Variants in RBM22 observed in about 807,000 individuals in gnomAD.
RBM22 encodes the protein pre-mRNA-splicing factor RBM22.
In RBM22, 1 loss-of-function variant was observed where a neutral mutation model predicts 50.1. The observed-to-expected ratio is 0.02, with a 90% CI of 0.01 to 0.09. The LOEUF is 0.09. Among genes scored for constraint, RBM22 ranks in the 10% least tolerant of loss-of-function variants. The pLI is 1.00. For missense variants in RBM22, 264 were observed against 529.3 expected, an observed-to-expected ratio of 0.50 and a Z score of 4.92; for synonymous variants, 152 against 179.0, an observed-to-expected ratio of 0.85 and a Z score of 1.20.
chr5:150,699,877 T>C (rs1233006577), intron 2 of RBM22, among the ~76,000 whole-genome samples: 1 of 152,250 alleles, frequency 6.6e-6, no homozygotes, highest in Non-Finnish European at 1.5e-5. Flanking sequence ...TAAACAGAAC[T>C]ATTCAAACAT....
At chr5:150,692,858 A>T in intron 10 of RBM22, 37 bp downstream of exon 10, 1 of 1,520,746 alleles carries the variant, frequency 6.6e-7, no homozygotes, top group Non-Finnish European at 8.9e-7. Context: ...AACTTTCACA[A>T]GGATTTCTCT....
In RBM22 at chr5:150,701,022, T is replaced by C. The variant is rs146006650; in HGVS notation, c.-37A>G. ...CCGGAGGTAGCTGTAGCTTCCGAAT[T>C]GGGAGAGAGGACCGCCACAATCCCG... On this transcript the variant is annotated 5_prime_UTR_variant, in exon 1 of 11. Coordinates refer to ENST00000199814, the MANE Select transcript of RBM22 (RefSeq NM_018047.3). 5,732 of 1,611,388 alleles carry C rather than the reference T, an allele frequency of 3.6e-3. 19 individuals are homozygous for C. The highest frequency in any genetic ancestry group is 4.0e-3 in the Non-Finnish European group (4,725 of 1,178,046).
At chr5:150,700,389 A>T in intron 2 of RBM22, 55 bp downstream of exon 2, 1 of 1,519,008 alleles carries the variant, frequency 6.6e-7, no homozygotes. Flanking sequence ...CACAGTGTGC[A>T]AGTACCACAA....
chr5:150,700,790 C>G, intron 1 of RBM22, 142 bp downstream of exon 1: 1 of 1,572,808 alleles, frequency 6.4e-7, no homozygotes, highest in East Asian at 2.3e-5. Context: ...TCGCCCTCCG[C>G]CCTCCTGCTC....
intron 8 of RBM22, 58 bp from the exon 9 acceptor site, chr5:150,693,365 C>G (rs751260814): frequency 5.2e-6 from 7 of 1,345,504 alleles, no homozygotes; most frequent in Non-Finnish European, 7.4e-6. Context: ...CACACCTCTG[C>G]TTCTTACATT....
In RBM22 at chr5:150,691,824, G is replaced by A. The variant is rs757811819; in HGVS notation, c.1190C>T (p.Pro397Leu). ...CTGAGAAGGATAGTGGATTGGTCCT[G>A]GAGCCCGCATGAAAGGAGGGGGTGG... is the stretch of plus-strand genomic sequence containing the variant. ...MGPPPPFMRAPGPIHYPSQDP... is the reference protein window; with the variant it reads ...MGPPPPFMRALGPIHYPSQDP... Residue 397 changes from proline (P) to leucine (L), a missense_variant, in exon 11 of 11, where the codon CCA (proline) becomes CTA (leucine). This residue lies in a region of RBM22 where 106 missense variants were observed against 137.1 expected (regional missense o/e 0.77). Coordinates refer to ENST00000199814, the MANE Select transcript of RBM22 (RefSeq NM_018047.3). 1.2e-6 allele frequency: 2 copies of A among 1,601,614 alleles called. No individual in the cohort carries two copies. Among genetic ancestry groups the A allele is most frequent in the Non-Finnish European group, 8.5e-7 (1 of 1,174,070 alleles).
intron 1 of RBM22, chr5:150,700,709 G>T (rs1337838955): frequency 1.3e-6 from 2 of 1,532,154 alleles, no homozygotes; most frequent in Non-Finnish European, 1.7e-6. Flanking sequence ...TAGGCTGGAG[G>T]GGGCAGGGAT....
Position 150,695,494 on chromosome 5 carries a change from A to C in RBM22, c.746+12T>G. 1 of 1,600,602 alleles carries C rather than the reference A, an allele frequency of 6.2e-7. No homozygotes were observed. The highest frequency in any genetic ancestry group is 8.5e-7 in the Non-Finnish European group (1 of 1,169,710). ...AAAGGCAAAAATAACTCTCTAACTT[A>C]TACCCACAAACCTTAAATCTGTCTC... On this transcript the variant is annotated intron_variant, in intron 7 of 10. Transcript: ENST00000199814.
rs573625382 is a variant in RBM22 at position 150,692,010 on chromosome 5, C to T, written c.1133-129G>A. 10 of 1,067,974 alleles carry T rather than the reference C, an allele frequency of 9.4e-6. No homozygotes were observed. In the African/African-American group the frequency reaches 1.1e-4, roughly 12 times the overall value. 66.2% of individuals were successfully genotyped at this position (1,067,974 alleles called of 1,614,324 possible). ...GTTGACACGGGGCTTAAGCAAATGT[C>T]AGTTCACAAACTTACTTCCACTTGT... On this transcript the variant is annotated intron_variant, in intron 10 of 10. Transcript: ENST00000199814.
chr5:150,696,699 T>C lies in RBM22; in HGVS notation c.379A>G (p.Asn127Asp), dbSNP rs1289918987. The change falls in exon 6 of 11, where the codon AAC becomes GAC. Residue 127 changes from asparagine (N) to aspartate (D), a missense_variant. This residue lies in a region of RBM22 where 44 missense variants were observed against 57.9 expected (regional missense o/e 0.76). Coordinates refer to ENST00000199814, the MANE Select transcript of RBM22 (RefSeq NM_018047.3). The surrounding 1 kb of genome is among the most constrained non-coding windows in gnomAD (Gnocchi z 4.3). Reference protein sequence around the residue: ...YTQNMEREISNSDGTRPVGML... With the variant: ...YTQNMEREISDSDGTRPVGML... ...CCAACTGGCCGTGTTCCATCAGAGT[T>C]AGAAATCTAAGTGGGGATGACAAAT... 1.9e-6 allele frequency: 3 copies of C among 1,614,080 alleles called. No homozygotes were observed. The highest frequency in any genetic ancestry group is 2.2e-5 in the East Asian group (1 of 44,904).
chr5:150,697,369 T>C (rs1759289222), intron 4 of RBM22, among the ~76,000 whole-genome samples: 7 of 152,150 alleles, frequency 4.6e-5, no homozygotes, highest in Admixed American at 4.6e-4. Flanking sequence ...CAGTGAGCCA[T>C]GACCATGCCA....
intron 8 of RBM22, 51 bp from the exon 9 acceptor site, chr5:150,693,358 A>G (rs973376207): frequency 5.0e-6 from 7 of 1,404,464 alleles, no homozygotes; most frequent in Non-Finnish European, 6.0e-6. Flanking sequence ...CTTATCTCAC[A>G]CCTCTGCTTC....
chr5:150,696,909 G>A lies in RBM22; in HGVS notation c.272-18C>T. The A allele has an allele frequency of 1.9e-6, 3 of 1,607,918 alleles. No individual in the cohort carries two copies. The highest frequency in any genetic ancestry group is 2.2e-5 in the South Asian group (2 of 90,892). On this transcript the variant is annotated intron_variant, in intron 4 of 10. Coordinates refer to ENST00000199814, the MANE Select transcript of RBM22 (RefSeq NM_018047.3). This position sits in a 1 kb window ranked among gnomAD's most constrained non-coding sequence, Gnocchi z 4.3. ...GGGCAGGCCTGGTACAAAAAAAGAG[G>A]AAAAAGACCTCAGATGTATTTTAAA...
At position 150,694,186 on chromosome 5, in the gene RBM22, C is replaced by T; in HGVS notation, c.801G>A (p.Gln267=). The change falls in exon 8 of 11, where the codon CAG becomes CAA. Residue 267 remains glutamine, a synonymous_variant. Transcript: ENST00000199814. ...TGGCAAACTGGATGAAAGCACACTG[C>T]TGTCTCTGCACAACAGTGATCGTCC... ...EIRTITVVQR[Q]QCAFIQFATR... is the part of the protein sequence containing the mutation. 6.2e-7 allele frequency: 1 copy of T among 1,614,250 alleles called. No homozygotes were observed. The highest frequency in any genetic ancestry group is 2.2e-5 in the East Asian group (1 of 44,886).
intron 10 of RBM22, among the ~76,000 whole-genome samples, chr5:150,692,105 G>T (rs1759216683): frequency 6.6e-6 from 1 of 152,194 alleles, no homozygotes; most frequent in East Asian, 1.9e-4. Context: ...GTATCGCCTA[G>T]TATGTCATCT....
At chr5:150,698,194 C>G (rs1759301690) in intron 4 of RBM22, among the ~76,000 whole-genome samples, 1 of 152,168 alleles carries the variant, frequency 6.6e-6, no homozygotes, top group Non-Finnish European at 1.5e-5. Context: ...AGCTCTGGAT[C>G]AAGAAAGAAG....
At position 150,696,734 on chromosome 5, in the gene RBM22, A is replaced by G. The variant is rs1759280774; in HGVS notation, c.373-29T>C. The G allele has an allele frequency of 1.2e-6, 2 of 1,613,912 alleles. No homozygotes were observed. The highest frequency in any genetic ancestry group is 1.3e-5 in the African/African-American group (1 of 74,930). On this transcript the variant is annotated intron_variant, in intron 5 of 10. Coordinates refer to ENST00000199814, the MANE Select transcript of RBM22 (RefSeq NM_018047.3). This position sits in a 1 kb window ranked among gnomAD's most constrained non-coding sequence, Gnocchi z 4.3. ...AGTGGGGATGACAAATTCAAAAGAT[A>G]AATTATACAGACTGTGTCAATTCAT... is the stretch of plus-strand genomic sequence containing the variant.
At chr5:150,699,701 T>C (rs1441014483) in intron 2 of RBM22, among the ~76,000 whole-genome samples, 1 of 152,240 alleles carries the variant, frequency 6.6e-6, no homozygotes, top group African/African-American at 2.4e-5. Flanking sequence ...AGGTTCATTT[T>C]TGGCTCCCAA....
rs1367621363 is a variant in RBM22, at chr5:150,695,486, TCTAA to T, written c.746+16_746+19del. 2.1e-5 allele frequency: 34 copies of T among 1,588,512 alleles called. No individual in the cohort carries two copies. The Admixed American group carries it at 2.6e-4, about 12-fold the overall frequency. ...GGGCAGTTAAAGGCAAAAATAACTC[TCTAA>T]CTTATACCCACAAACCTTAAATCTG... is the stretch of plus-strand genomic sequence containing the variant. On this transcript the variant is annotated intron_variant, in intron 7 of 10. Coordinates refer to ENST00000199814, the MANE Select transcript of RBM22 (RefSeq NM_018047.3).
Sources: allele counts gnomAD v4.1 joint callset (sites outside exome capture counted in the v4.1 genomes callset), GRCh38; gene constraint gnomAD v4.1.1; regional missense constraint gnomAD v4.1.1; non-coding constraint Gnocchi (gnomAD v3.1); transcripts MANE v1.5; gene names NCBI Gene and HGNC (gene_info 2026-07-23, HGNC 2026-07-21).